BOLL: variants seen among roughly 807,000 people sequenced by gnomAD.
BOLL encodes the protein boule RNA binding protein.
BOLL carries 23 observed loss-of-function variants against 44.4 expected under a neutral mutation model. The ratio of observed to expected loss-of-function variants is 0.52; its 90% CI spans 0.37 to 0.73. The LOEUF (loss-of-function observed/expected upper bound fraction) is 0.73. Ranked by LOEUF, BOLL falls within the 30% of genes least tolerant of loss-of-function variation. BOLL has a pLI of 0.00. For missense variants in BOLL, 287 were observed against 338.3 expected, an observed-to-expected ratio of 0.85 and a Z score of 1.19; for synonymous variants, 97 against 110.8, an observed-to-expected ratio of 0.88 and a Z score of 0.78.
intron 7 of BOLL, among the ~76,000 whole-genome samples, chr2:197,764,860 T>C (rs538799694): frequency 6.6e-6 from 1 of 152,168 alleles, no homozygotes; most frequent in African/African-American, 2.4e-5. Flanking sequence ...CTTTTTTATA[T>C]AATAAAACTG....
chr2:197,786,048 T>C (rs1289350014), upstream of BOLL: 1 of 1,602,692 alleles, frequency 6.2e-7, no homozygotes, highest in Non-Finnish European at 8.5e-7. This position sits in a 1 kb window ranked among gnomAD's most constrained non-coding sequence, Gnocchi z 5.9. Context: ...AAAAGAAGCC[T>C]AAAGTTTGAA....
chr2:197,742,018 C>T (rs572000680), intron 10 of BOLL, among the ~76,000 whole-genome samples: 1,811 of 152,282 alleles, frequency 0.012, 45 homozygotes, highest in African/African-American at 0.04. Context: ...TTAACAGACA[C>T]TTCTCAAAAG....
chr2:197,759,836 C>A (rs1177048154), intron 7 of BOLL, among the ~76,000 whole-genome samples: 1 of 152,226 alleles, frequency 6.6e-6, no homozygotes, highest in Non-Finnish European at 1.5e-5. Flanking sequence ...TACACACCTG[C>A]ATACAGGGCT....
intron 9 of BOLL, among the ~76,000 whole-genome samples, chr2:197,753,591 A>G (rs1436431372): frequency 6.6e-6 from 1 of 152,244 alleles, no homozygotes; most frequent in African/African-American, 2.4e-5. Context: ...ATGAGATACC[A>G]TCTCACGCCA....
At position 197,749,866 on chromosome 2, in the gene BOLL, A is replaced by G. The variant is rs567568659; in HGVS notation, c.729+6562T>C. ...ACCTAGCAAGACAGGCCAACATTCA[A>G]ATTTAGAAAATACAGAGACCACCAG... On this transcript the variant is annotated intron_variant, in intron 9 of 10. Coordinates refer to ENST00000392296, the MANE Select transcript of BOLL (RefSeq NM_033030.6). 5.3e-5 allele frequency among the ~76,000 whole-genome samples: 8 copies of G among 152,222 alleles called. No homozygotes were observed. In the East Asian group the frequency reaches 1.6e-3, roughly 30 times the overall value.
rs1456890221 is a variant in BOLL at position 197,781,787 on chromosome 2, T to C, written c.64A>G (p.Thr22Ala). The C allele has an allele frequency of 1.9e-6, 3 of 1,608,310 alleles. No homozygotes were observed. Among genetic ancestry groups the C allele is most frequent in the East Asian group, 2.2e-5 (1 of 44,830 alleles). ...ACTGTTCCATATCTTGGGGCACTTG[T>C]TGGGTTATTCAAAGGCACAGGTGAC... The part of the protein sequence containing the change: ...PVSPVPLNNP[T>A]SAPRYGTVIP... Residue 22 changes from threonine to alanine, a missense_variant, in exon 2 of 11, where the codon ACA becomes GCA. By Grantham distance (58) the Thr-to-Ala change is moderately conservative. Coordinates refer to ENST00000392296, the MANE Select transcript of BOLL (RefSeq NM_033030.6).
At chr2:197,782,926 A>G (rs982249602) in intron 1 of BOLL, among the ~76,000 whole-genome samples, 3 of 152,176 alleles carry the variant, frequency 2.0e-5, no homozygotes. Flanking sequence ...GTTAGAGGAC[A>G]TAATTTAAAT....
chr2:197,745,866 G>T (rs1159580581), intron 9 of BOLL, among the ~76,000 whole-genome samples: 2 of 152,202 alleles, frequency 1.3e-5, no homozygotes, highest in Admixed American at 1.3e-4. Context: ...GAGTGCAGAA[G>T]TATGTATTGG....
chr2:197,782,701 G>A (rs193075191), intron 1 of BOLL, among the ~76,000 whole-genome samples: 4 of 152,174 alleles, frequency 2.6e-5, no homozygotes, highest in African/African-American at 4.8e-5. Flanking sequence ...ACTAAATGAC[G>A]CATGTGTTCC....
At chr2:197,751,370 TG>T (rs762978710) in intron 9 of BOLL, among the ~76,000 whole-genome samples, 42 of 152,178 alleles carry the variant, frequency 2.8e-4, no homozygotes, top group Non-Finnish European at 5.3e-4. Flanking sequence ...GCTGGTTTTT[TG>T]AAAAGATTAA....
At chr2:197,740,701 G>A (rs1444640341) in intron 10 of BOLL, among the ~76,000 whole-genome samples, 1 of 152,168 alleles carries the variant, frequency 6.6e-6, no homozygotes, top group East Asian at 1.9e-4. Context: ...TAGATAGAAA[G>A]TAAATTAGAG....
chr2:197,749,828 G>A (rs1688154543), intron 9 of BOLL, among the ~76,000 whole-genome samples: 1 of 152,072 alleles, frequency 6.6e-6, no homozygotes, highest in African/African-American at 2.4e-5. Context: ...TATTATCCAG[G>A]AGAACTTCCT....
chr2:197,770,048 T>C (rs1228795454), intron 6 of BOLL, among the ~76,000 whole-genome samples: 1 of 152,066 alleles, frequency 6.6e-6, no homozygotes, highest in African/African-American at 2.4e-5. Flanking sequence ...GCCAAGACAA[T>C]CTTAAGCAAA....
At chr2:197,729,201 A>G (rs1468116785) in intron 10 of BOLL, among the ~76,000 whole-genome samples, 1 of 152,180 alleles carries the variant, frequency 6.6e-6, no homozygotes, top group African/African-American at 2.4e-5. Flanking sequence ...TCTGAGTCAA[A>G]GAAAGGGGTG....
intron 6 of BOLL, among the ~76,000 whole-genome samples, chr2:197,767,140 C>T (rs1243788990): frequency 6.6e-6 from 1 of 151,888 alleles, no homozygotes; most frequent in Non-Finnish European, 1.5e-5. Context: ...GTTTGATAAA[C>T]TTACAAGTGA....
rs1574853970 is a variant in BOLL, at chr2:197,768,745, C to T, written c.481-2142G>A. On this transcript the variant is annotated intron_variant, in intron 6 of 10. Coordinates refer to ENST00000392296, the MANE Select transcript of BOLL (RefSeq NM_033030.6). ...GAAGAAAAAATCTTGTGCCAGTTTT[C>T]AAAGGGAATACTTCCAGTTTTTGCC... Among the ~76,000 whole-genome samples, 3 of 147,362 alleles carry T rather than the reference C, an allele frequency of 2.0e-5. No homozygotes were observed. The East Asian group carries it at 5.9e-4, about 29-fold the overall frequency.
At position 197,743,064 on chromosome 2, in the gene BOLL, A is replaced by T. The variant is rs749746878; in HGVS notation, c.825T>A (p.Ile275=). ...AAAGTCAAAACAAATTTCTTACTTT[A>T]ATTGGCTCAGGCTGCATCACAGGCG... is the stretch of plus-strand genomic sequence containing the variant. The part of the protein sequence containing the change: ...MPAPVMQPEP[I]KTVWSIHY The change falls in exon 10 of 11, where the codon ATT becomes ATA. Residue 275 remains isoleucine, a synonymous_variant. Coordinates refer to ENST00000392296, the MANE Select transcript of BOLL (RefSeq NM_033030.6). 1 of 1,562,914 alleles carries T rather than the reference A, an allele frequency of 6.4e-7. No individual in the cohort carries two copies. The highest frequency in any genetic ancestry group is 8.6e-7 in the Non-Finnish European group (1 of 1,157,602).
chr2:197,752,066 T>C (rs1688286646), intron 9 of BOLL, among the ~76,000 whole-genome samples: 1 of 152,236 alleles, frequency 6.6e-6, no homozygotes, highest in East Asian at 1.9e-4. Flanking sequence ...ATTATCTCAA[T>C]AGACGCAGAA....
intron 9 of BOLL, among the ~76,000 whole-genome samples, chr2:197,743,958 C>T (rs528217681): frequency 2.0e-5 from 3 of 151,968 alleles, no homozygotes; most frequent in East Asian, 1.9e-4. Flanking sequence ...CTACAGGTGC[C>T]GCCACTACAC....
Sources: gnomAD v4.1 joint callset for allele counts (sites outside exome capture counted in the v4.1 genomes callset) on GRCh38, gnomAD v4.1.1 for gene constraint, Gnocchi (gnomAD v3.1) non-coding constraint, MANE v1.5 for transcripts, NCBI Gene and HGNC (gene_info 2026-07-23, HGNC 2026-07-21) for gene names.